VPS13B: variants seen among roughly 807,000 people sequenced by gnomAD.
The protein encoded by VPS13B is vacuolar protein sorting 13 homolog B.
In VPS13B, 285 loss-of-function variants were observed where a neutral mutation model predicts 426.4. The observed-to-expected ratio is 0.67, with a 90% CI of 0.61 to 0.74. The LOEUF (loss-of-function observed/expected upper bound fraction) is 0.74, where lower values mean the gene tolerates loss of function less well. VPS13B is among the 30% of genes least tolerant of loss of function. The pLI, the probability that VPS13B is intolerant of heterozygous loss-of-function variation, is 0.00. For synonymous variants in VPS13B, 1,676 were observed against 1,676.4 expected (o/e 1.00, Z 0.01); for missense variants, 4,537 against 4,782.6 (o/e 0.95, Z 1.51).
intron 35 of VPS13B, among the ~76,000 whole-genome samples, chr8:99,675,141 A>T (rs1830878534): frequency 6.6e-6 from 1 of 151,746 alleles, no homozygotes; most frequent in African/African-American, 2.4e-5. Context: ...TAACTCCCTC[A>T]GCTTTTGTTT....
At chr8:99,256,526 G>A (rs891349322) in intron 17 of VPS13B, among the ~76,000 whole-genome samples, 2 of 152,144 alleles carry the variant, frequency 1.3e-5, no homozygotes, top group Middle Eastern at 3.4e-3. Flanking sequence ...CAAGGGTTCC[G>A]ATTACTCCAC....
Position 99,766,876 on chromosome 8 carries a change from G to T in VPS13B, c.7153G>T (p.Asp2385Tyr). The T allele has an allele frequency of 6.2e-7, 1 of 1,613,994 alleles. No individual in the cohort carries two copies. Among genetic ancestry groups the T allele is most frequent in the African/African-American group, 1.3e-5 (1 of 75,044 alleles). ...CAAAGTTTGTGAACTGCAGTTGCCG[G>T]ATATCAATCTCGTGAATGACCAGAA... ...ESKVCELQLP[D>Y]INLVNDQKKL... is the part of the protein sequence containing the mutation. The change falls in exon 40 of 62, where the codon GAT becomes TAT. Residue 2385 changes from aspartate to tyrosine, a missense_variant. Physicochemically the swap from Asp to Tyr is radical, Grantham distance 160 (BLOSUM62 -3). Around this residue, in one of 2 missense-constraint regions of VPS13B, gnomAD observed 4,311 missense variants for 4,474.3 expected, o/e 0.96. Coordinates refer to ENST00000357162, the MANE Select transcript of VPS13B (RefSeq NM_152564.5).
At chr8:99,565,742 A>C (rs1825146906) in intron 31 of VPS13B, among the ~76,000 whole-genome samples, 1 of 152,114 alleles carries the variant, frequency 6.6e-6, no homozygotes, top group African/African-American at 2.4e-5. Context: ...GAAAGAAAGA[A>C]GTTTTCTTTG....
Position 99,083,491 on chromosome 8 carries a change from A to G in VPS13B, c.292-12821A>G, listed in dbSNP as rs1223340896. Among the ~76,000 whole-genome samples, 412 of 150,816 alleles carry G rather than the reference A, an allele frequency of 2.7e-3. 6 individuals carry two copies. The highest frequency in any genetic ancestry group is 0.019 in the South Asian group (90 of 4,692). On this transcript the variant is annotated intron_variant, in intron 3 of 61. Transcript: ENST00000357162. ...TGCCCTGGCCAGAACTTCCAACACTATGTTGAATAGGAGTGGTGAGAGAGG... is the reference window on the plus strand; with the variant it reads ...TGCCCTGGCCAGAACTTCCAACACTGTGTTGAATAGGAGTGGTGAGAGAGG...
rs568420572 is a variant in VPS13B, at chr8:99,518,320, A to G, written c.4634-2579A>G. On this transcript the variant is annotated intron_variant, in intron 29 of 61. Coordinates refer to ENST00000357162, the MANE Select transcript of VPS13B (RefSeq NM_152564.5). ...GGACTGCTGCTTAATCAGAGGTTTT[A>G]CCCACATGGAACTATTTGATAAGGT... Among the ~76,000 whole-genome samples, 6 of 152,288 alleles carry G rather than the reference A, an allele frequency of 3.9e-5. No individual in the cohort carries two copies. In the South Asian group the frequency reaches 6.2e-4, roughly 16 times the overall value.
chr8:99,714,510 C>T (rs952002595), intron 36 of VPS13B, among the ~76,000 whole-genome samples: 1 of 152,134 alleles, frequency 6.6e-6, no homozygotes, highest in African/African-American at 2.4e-5. Context: ...TCTGCATAAT[C>T]TCCAAGTGTC....
intron 3 of VPS13B, among the ~76,000 whole-genome samples, chr8:99,043,515 G>T (rs1440162138): frequency 1.3e-5 from 2 of 152,080 alleles, no homozygotes; most frequent in East Asian, 1.9e-4. Context: ...CTTCTAATTG[G>T]ACTGACTCTA....
intron 7 of VPS13B, among the ~76,000 whole-genome samples, chr8:99,116,262 G>T (rs1847649072): frequency 6.6e-6 from 1 of 150,806 alleles, no homozygotes; most frequent in South Asian, 2.1e-4. Context: ...TCAAACTCCT[G>T]ACCTTGTGAT....
intron 37 of VPS13B, among the ~76,000 whole-genome samples, chr8:99,719,504 C>A (rs779663573): frequency 6.6e-6 from 1 of 152,188 alleles, no homozygotes; most frequent in African/African-American, 2.4e-5. Context: ...CTTACCCACA[C>A]GATATGGGGC....
At chr8:99,568,957 G>A (rs565314039) in intron 31 of VPS13B, among the ~76,000 whole-genome samples, 5 of 151,388 alleles carry the variant, frequency 3.3e-5, no homozygotes, top group South Asian at 2.1e-4. Context: ...GGCTACAGGC[G>A]CCCGCCACCA....
At chr8:99,778,540 A>G in intron 41 of VPS13B, 142 bp from the exon 42 acceptor site, 2 of 784,942 alleles carry the variant, frequency 2.5e-6, no homozygotes, top group South Asian at 3.2e-5. Context: ...TAATATCTTC[A>G]ATAAATAATT....
Position 99,494,493 on chromosome 8 carries a change from T to C in VPS13B, c.3871-7194T>C, listed in dbSNP as rs183634525. On this transcript the variant is annotated intron_variant, in intron 25 of 61. Transcript: ENST00000357162. ...GGGAATTATTCTGTTAATTTCTTTA[T>C]TGTTTGCTTTTAATGCATAGAAACA... is the stretch of plus-strand genomic sequence containing the variant. Among the ~76,000 whole-genome samples, 7 of 152,290 alleles carry C rather than the reference T, an allele frequency of 4.6e-5. No individual in the cohort carries two copies. In the East Asian group the frequency reaches 5.8e-4, roughly 13 times the overall value.
intron 33 of VPS13B, among the ~76,000 whole-genome samples, chr8:99,641,371 G>A (rs1829351717): frequency 6.6e-6 from 1 of 152,054 alleles, no homozygotes; most frequent in Non-Finnish European, 1.5e-5. Flanking sequence ...TTATAAGAAA[G>A]GTAAGGAGTA....
chr8:99,633,815 G>GTGTGTA (rs754739444), intron 33 of VPS13B, among the ~76,000 whole-genome samples: 225 of 149,062 alleles, frequency 1.5e-3, no homozygotes, highest in Non-Finnish European at 2.8e-3. Context: ...AGGTGTGTGT[G>GTGTGTA]TGTGTGTGTG....
chr8:99,205,355 G>C lies in VPS13B; in HGVS notation c.2515+12298G>C, dbSNP rs186051921. Among the ~76,000 whole-genome samples, 58 of 152,254 alleles carry C rather than the reference G, an allele frequency of 3.8e-4. 1 individual carries two copies. The East Asian group carries it at 0.011, about 28-fold the overall frequency. ...AACATCACACACTGGGGCCTGTTGT[G>C]GGGTAGGGGGATAGGGGAGGGATAG... On this transcript the variant is annotated intron_variant, in intron 17 of 61. Coordinates refer to ENST00000357162, the MANE Select transcript of VPS13B (RefSeq NM_152564.5).
At chr8:99,797,358 G>A (rs1320091406) in intron 43 of VPS13B, among the ~76,000 whole-genome samples, 5 of 151,872 alleles carry the variant, frequency 3.3e-5, no homozygotes, top group African/African-American at 1.2e-4. Flanking sequence ...TCCTACCTCT[G>A]CTTCCAAAAG....
intron 19 of VPS13B, among the ~76,000 whole-genome samples, chr8:99,311,908 C>G (rs911806519): frequency 2.6e-5 from 4 of 152,118 alleles, no homozygotes; most frequent in African/African-American, 9.7e-5. Flanking sequence ...TGAATTGATC[C>G]CTTTACCATT....
intron 40 of VPS13B, among the ~76,000 whole-genome samples, chr8:99,776,203 TA>T (rs1811732420): frequency 6.6e-6 from 1 of 152,210 alleles, no homozygotes; most frequent in South Asian, 2.1e-4. Flanking sequence ...GATCTTAAAC[TA>T]ATAACAGAAC....
chr8:99,383,629 T>A (rs1004354190), intron 19 of VPS13B, among the ~76,000 whole-genome samples: 3 of 151,932 alleles, frequency 2.0e-5, no homozygotes, highest in African/African-American at 7.2e-5. Context: ...TACTCTCCCC[T>A]CTCACAGGCC....
Sources: gnomAD v4.1 joint callset for allele counts (sites outside exome capture counted in the v4.1 genomes callset) on GRCh38, gnomAD v4.1.1 for gene constraint, gnomAD v4.1.1 regional missense constraint, MANE v1.5 for transcripts, NCBI Gene and HGNC (gene_info 2026-07-23, HGNC 2026-07-21) for gene names.